The following WNT3 variants were observed in gnomAD, a reference collection of about 807,000 sequenced individuals.
WNT3 encodes the protein proto-oncogene Wnt-3.
In WNT3, 7 loss-of-function variants were observed where a neutral mutation model predicts 34.2. That is an observed-to-expected ratio of 0.20 (90% CI 0.12 to 0.38). The LOEUF is 0.38. Ranked by LOEUF, WNT3 falls within the 10% of genes least tolerant of loss-of-function variation. The pLI is 1.00. For synonymous variants in WNT3, 212 were observed against 211.5 expected, an observed-to-expected ratio of 1.00 and a Z score of -0.02; for missense variants, 267 against 499.8, an observed-to-expected ratio of 0.53 and a Z score of 4.44.
chr17:46,775,736 C>G (rs1363401120), intron 1 of WNT3, among the ~76,000 whole-genome samples: 1 of 151,534 alleles, frequency 6.6e-6, no homozygotes, highest in Non-Finnish European at 1.5e-5. Flanking sequence ...GCCTCAGCCT[C>G]CCGAGTAGCT....
intron 1 of WNT3, among the ~76,000 whole-genome samples, chr17:46,787,961 A>G (rs111649807): frequency 0.011 from 1,627 of 151,408 alleles, 25 homozygotes; most frequent in African/African-American, 0.036. Flanking sequence ...GCCTCAGAAA[A>G]AAAAAAAAAA....
intron 1 of WNT3, among the ~76,000 whole-genome samples, chr17:46,815,123 T>C (rs972251150): frequency 2.6e-5 from 4 of 152,066 alleles, no homozygotes; most frequent in Non-Finnish European, 5.9e-5. Context: ...ATCGCTGGAA[T>C]GTAGCAGGTG....
chr17:46,792,860 C>T (rs1428391373), intron 1 of WNT3, among the ~76,000 whole-genome samples: 1 of 152,068 alleles, frequency 6.6e-6, no homozygotes, highest in Non-Finnish European at 1.5e-5. Flanking sequence ...TAGAATACAT[C>T]CTTTAATTTG....
At chr17:46,777,606 G>A (rs1053216473) in intron 1 of WNT3, among the ~76,000 whole-genome samples, 2 of 152,230 alleles carry the variant, frequency 1.3e-5, no homozygotes, top group African/African-American at 2.4e-5. Context: ...ACAGTTACCC[G>A]GATACTGGCA....
rs1447381936 is a variant in WNT3, at chr17:46,816,676, C to A, written c.80+1842G>T. Among the ~76,000 whole-genome samples, 4 of 150,242 alleles carry A rather than the reference C, an allele frequency of 2.7e-5. No homozygotes were observed. The East Asian group carries it at 7.9e-4, about 30-fold the overall frequency. ...CCCTATCTAGATGGTCCCCAAGATA[C>A]CATTTCACACCAGAATCTACACCAA... On this transcript the variant is annotated intron_variant, in intron 1 of 4. Transcript: ENST00000225512.
intron 1 of WNT3, among the ~76,000 whole-genome samples, chr17:46,806,016 C>A (rs1162233322): frequency 6.6e-6 from 1 of 152,048 alleles, no homozygotes; most frequent in East Asian, 1.9e-4. Flanking sequence ...GAGTCTCTGC[C>A]TCCTGGGGTT....
chr17:46,816,151 A>C (rs865812034), intron 1 of WNT3, among the ~76,000 whole-genome samples: 1 of 151,538 alleles, frequency 6.6e-6, no homozygotes, highest in Non-Finnish European at 1.5e-5. Flanking sequence ...GCACGCACGC[A>C]CACACACACT....
chr17:46,778,998 C>T (rs1251301976), intron 1 of WNT3, among the ~76,000 whole-genome samples: 10 of 147,640 alleles, frequency 6.8e-5, no homozygotes, highest in African/African-American at 2.5e-4. Flanking sequence ...TCTCAGTCTC[C>T]AAGAAGAGAG....
chr17:46,802,179 G>A (rs945435494), intron 1 of WNT3, among the ~76,000 whole-genome samples: 3 of 152,182 alleles, frequency 2.0e-5, no homozygotes, highest in Non-Finnish European at 2.9e-5. Flanking sequence ...ATGAGCTGAC[G>A]GAAGAGCTGG....
chr17:46,769,581 G>A (rs1475998909), intron 3 of WNT3, among the ~76,000 whole-genome samples: 1 of 152,126 alleles, frequency 6.6e-6, no homozygotes, highest in Non-Finnish European at 1.5e-5. Flanking sequence ...GGGTGGGGTG[G>A]AGTCCAGGAA....
intron 2 of WNT3, among the ~76,000 whole-genome samples, chr17:46,771,735 C>T (rs1177218839): frequency 7.6e-6 from 1 of 131,728 alleles, no homozygotes; most frequent in East Asian, 2.4e-4. Flanking sequence ...GCCGCGAAAT[C>T]CCCATTGAAG....
At chr17:46,813,601 T>C (rs2084303966) in intron 1 of WNT3, among the ~76,000 whole-genome samples, 1 of 151,936 alleles carries the variant, frequency 6.6e-6, no homozygotes, top group African/African-American at 2.4e-5. Flanking sequence ...AAGGTTCTGC[T>C]CAACTCCTGG....
intron 1 of WNT3, among the ~76,000 whole-genome samples, chr17:46,805,111 G>A (rs956703554): frequency 5.3e-5 from 8 of 152,136 alleles, no homozygotes; most frequent in Admixed American, 4.6e-4. Context: ...CCACTGGAAG[G>A]AACCAACTCC....
At chr17:46,767,779 T>C (rs538644972) in intron 4 of WNT3, among the ~76,000 whole-genome samples, 1 of 152,040 alleles carries the variant, frequency 6.6e-6, no homozygotes, top group African/African-American at 2.4e-5. Context: ...TTTTGTTTTT[T>C]TTTGTTTGTT....
In WNT3 at chr17:46,799,938, T is replaced by G. The variant is rs2084103081; in HGVS notation, c.80+18580A>C. On this transcript the variant is annotated intron_variant, in intron 1 of 4. Transcript: ENST00000225512. ...TCTGTCACAGAGCCTACCCTCTTTC[T>G]GGAGTGCTATGTTGCCTCCCCACAC... Among the ~76,000 whole-genome samples, 2 of 152,136 alleles carry G rather than the reference T, an allele frequency of 1.3e-5. 1 individual carries two copies. The highest frequency in any genetic ancestry group is 4.1e-4 in the South Asian group (2 of 4,826).
At position 46,772,850 on chromosome 17, in the gene WNT3, C is replaced by T. The variant is rs376778510; in HGVS notation, c.322+818G>A. The stretch of plus-strand genomic sequence containing the variant: ...GCTGTATAGGCAGCTCTCATTCATT[C>T]CCTAGCTTCTAATAGGAGGGAGGGC... On this transcript the variant is annotated intron_variant, in intron 2 of 4. Coordinates refer to ENST00000225512, the MANE Select transcript of WNT3 (RefSeq NM_030753.5). Among the ~76,000 whole-genome samples the T allele has an allele frequency of 2.8e-3, 399 of 142,296 alleles. 24 individuals are homozygous for T. The South Asian group carries it at 0.09, about 32-fold the overall frequency. 93.4% of individuals were successfully genotyped at this position (142,296 alleles called of 152,430 possible).
intron 1 of WNT3, among the ~76,000 whole-genome samples, chr17:46,792,144 A>G (rs2083995651): frequency 6.6e-6 from 1 of 152,266 alleles, no homozygotes; most frequent in South Asian, 2.1e-4. Flanking sequence ...TGTGTTCGAC[A>G]CAAAAGGCAA....
intron 1 of WNT3, among the ~76,000 whole-genome samples, chr17:46,783,826 AAG>A (rs1303079161): frequency 6.6e-6 from 1 of 152,186 alleles, no homozygotes; most frequent in Non-Finnish European, 1.5e-5. Flanking sequence ...CCACACAGAG[AAG>A]CAGAGGAGGG....
intron 1 of WNT3, among the ~76,000 whole-genome samples, chr17:46,817,951 C>T (rs1477084533): frequency 6.6e-6 from 1 of 152,024 alleles, no homozygotes; most frequent in Non-Finnish European, 1.5e-5. Context: ...GAATCTAGAG[C>T]GGTGGGGAGA....
Sources: gnomAD v4.1 joint callset for allele counts (sites outside exome capture counted in the v4.1 genomes callset) on GRCh38, gnomAD v4.1.1 for gene constraint, MANE v1.5 for transcripts, NCBI Gene and HGNC (gene_info 2026-07-23, HGNC 2026-07-21) for gene names.